Variants in SAMD11 observed in about 807,000 individuals in gnomAD.
SAMD11 encodes the protein sterile alpha motif domain containing 11, also known as sterile alpha motif domain-containing protein 11.
Under a neutral mutation model 64.4 loss-of-function variants are expected in SAMD11, and 77 were observed. That is an observed-to-expected ratio of 1.20 (90% CI 0.99 to 1.44). The LOEUF is 1.44. Ranked by LOEUF, SAMD11 falls within the 40% of genes most tolerant of loss-of-function variation. The pLI is 0.00. For synonymous variants in SAMD11, 658 were observed against 421.9 expected (o/e 1.56, Z -6.86); for missense variants, 1,402 against 943.3 (o/e 1.49, Z -6.37).
At position 941,208 on chromosome 1, in the gene SAMD11, C is replaced by A; in HGVS notation, c.1260C>A (p.Ala420=). ...TGAGGGGCCCCAGTGGCCTGGAAGCCCACCTGCCCTCCTCCACGGCAGGTC... is the reference window on the plus strand; with the variant it reads ...TGAGGGGCCCCAGTGGCCTGGAAGCACACCTGCCCTCCTCCACGGCAGGTC... ...AALRGPSGLE[A]HLPSSTAGQR... Residue 420 remains alanine (A), a synonymous_variant, in exon 8 of 14, where the codon GCC becomes GCA. Transcript: ENST00000616016. 2.5e-6 allele frequency: 4 copies of A among 1,601,802 alleles called. No individual in the cohort carries two copies. The highest frequency in any genetic ancestry group is 3.4e-6 in the Non-Finnish European group (4 of 1,174,954).
intron 8 of SAMD11, 33 bp downstream of exon 8, chr1:941,339 C>T (rs1363510946): frequency 1.3e-6 from 2 of 1,502,334 alleles, no homozygotes; most frequent in East Asian, 2.4e-5. Flanking sequence ...CTGCTTGTTT[C>T]TGGGGTGCCG....
At chr1:941,741 G>C (rs1056640698) in intron 8 of SAMD11, among the ~76,000 whole-genome samples, 1 of 152,056 alleles carries the variant, frequency 6.6e-6, no homozygotes. Context: ...GGGGCGCCTG[G>C]AGAAGGGAGG....
chr1:935,559 C>A (rs1037414579), intron 4 of SAMD11, among the ~76,000 whole-genome samples: 4 of 152,194 alleles, frequency 2.6e-5, no homozygotes, highest in African/African-American at 9.7e-5. Context: ...GTCCCAGGTC[C>A]CAGTGCCAGG....
rs141349380 is a variant in SAMD11 at position 943,354 on chromosome 1, T to G, written c.2155T>G (p.Ser719Ala). The change falls in exon 12 of 14, where the codon TCT becomes GCT. Residue 719 changes from serine to alanine, a missense_variant. Physicochemically the swap from Ser to Ala is moderately conservative, Grantham distance 99 (BLOSUM62 1). Coordinates refer to ENST00000616016, the MANE Select transcript of SAMD11 (RefSeq NM_001385641.1). Reference protein sequence around the residue: ...DDVCSFVGGLSGCGEYTRVFR... With the variant: ...DDVCSFVGGLAGCGEYTRVFR... ...CGTCTGCAGCTTCGTGGGGGGCCTG[T>G]CTGGCTGTGGAGAGTACACTCGGGT... 1.3e-6 allele frequency: 2 copies of G among 1,588,030 alleles called. No homozygotes were observed. The highest frequency in any genetic ancestry group is 2.7e-5 in the African/African-American group (2 of 74,088).
At chr1:938,980 G>A (rs1641603207) in intron 5 of SAMD11, 60 bp from the exon 6 acceptor site, 2 of 1,447,956 alleles carry the variant, frequency 1.4e-6, no homozygotes, top group South Asian at 1.2e-5. Context: ...AGCTGGAGCA[G>A]GGGCTGGGTT....
Position 942,554 on chromosome 1 carries a change from C to T in SAMD11, c.1554-5C>T. 2.8e-6 allele frequency: 4 copies of T among 1,404,046 alleles called. No individual in the cohort carries two copies. The highest frequency in any genetic ancestry group is 3.7e-6 in the Non-Finnish European group (4 of 1,088,706). 87.0% of individuals were successfully genotyped at this position (1,404,046 alleles called of 1,614,324 possible). On this transcript the variant is annotated splice_polypyrimidine_tract_variant and splice_region_variant and intron_variant, in intron 10 of 13. Transcript: ENST00000616016. The stretch of plus-strand genomic sequence containing the variant: ...GCGGCTGACCCGCGTCTGCCCCCGG[C>T]CCAGGCTGGAGCTGCCCGCCGACCT...
chr1:942,381 CG>C, intron 9 of SAMD11, 28 bp from the exon 10 acceptor site: 1 of 1,326,986 alleles, frequency 7.5e-7, no homozygotes, highest in Non-Finnish European at 1.0e-6. Flanking sequence ...TCGGACCCCC[CG>C]ACCCCGCGTT....
intron 2 of SAMD11, among the ~76,000 whole-genome samples, chr1:928,342 A>G (rs1056317597): frequency 2.0e-5 from 3 of 152,254 alleles, no homozygotes; most frequent in Non-Finnish European, 4.4e-5. Flanking sequence ...CAGTGAGCCC[A>G]GATTGTGCCA....
At chr1:925,881 G>C (rs144896029) in intron 1 of SAMD11, 41 bp from the exon 2 acceptor site, 3 of 1,462,988 alleles carry the variant, frequency 2.1e-6, no homozygotes. Flanking sequence ...GCGCAGAAGC[G>C]TGCCGCTCCC....
intron 4 of SAMD11, among the ~76,000 whole-genome samples, chr1:932,344 C>T (rs945428258): frequency 2.0e-5 from 3 of 152,302 alleles, no homozygotes; most frequent in South Asian, 4.1e-4. Flanking sequence ...CAGCGTCCCT[C>T]GGCAGCACTG....
At chr1:930,081 A>G in intron 2 of SAMD11, 74 bp from the exon 3 acceptor site, 1 of 1,475,034 alleles carries the variant, frequency 6.8e-7, no homozygotes, top group Non-Finnish European at 9.1e-7. Context: ...GGCCCGGTCC[A>G]GCCCCACCTT....
chr1:924,911 G>C lies in SAMD11; in HGVS notation c.480G>C (p.Glu160Asp), dbSNP rs1478556158. The C allele has an allele frequency of 2.0e-5, 3 of 152,266 alleles. No individual in the cohort carries two copies. Among genetic ancestry groups the C allele is most frequent in the South Asian group, 2.1e-4 (1 of 4,834 alleles). The allele number at this position is 152,266 out of a possible 1,614,324, so 9.4% of individuals were successfully genotyped here. The change falls in exon 1 of 14, where the codon GAG (glutamate) becomes GAC (aspartate). Residue 160 changes from glutamate to aspartate, a missense_variant. By Grantham distance (45) the Glu-to-Asp change is conservative (BLOSUM62 2). Transcript: ENST00000616016. ...PNEFQFVSGRETAKDWKRSIR... is the reference protein window; with the variant it reads ...PNEFQFVSGRDTAKDWKRSIR... ...AGTTCCAGTTCGTCAGCGGCCGCGA[G>C]ACGGCCAAGGACTGGAAGCGCAGCA... is the stretch of plus-strand genomic sequence containing the variant.
In SAMD11 at chr1:941,128, G is replaced by A. The variant is rs1197100437; in HGVS notation, c.1196-16G>A. The A allele has an allele frequency of 1.9e-6, 3 of 1,587,156 alleles. No individual in the cohort carries two copies. The highest frequency in any genetic ancestry group is 1.3e-5 in the African/African-American group (1 of 74,394). ...GCGCATAGCCGGGGGGATCACTGCT[G>A]TTGTCCCCCACCCAGATCTCCTGAG... On this transcript the variant is annotated splice_polypyrimidine_tract_variant and intron_variant, in intron 7 of 13. Transcript: ENST00000616016.
intron 7 of SAMD11, 177 bp from the exon 8 acceptor site, chr1:940,967 T>G (rs942287744): frequency 1.9e-5 from 10 of 539,900 alleles, no homozygotes; most frequent in East Asian, 3.4e-5. Context: ...GCATCTTGTC[T>G]GCCGTCTCGG....
chr1:941,461 G>A (rs540679160), intron 8 of SAMD11, among the ~76,000 whole-genome samples, 155 bp downstream of exon 8: 141 of 152,126 alleles, frequency 9.3e-4, no homozygotes, highest in African/African-American at 3.3e-3. Context: ...ACCGATCTGG[G>A]CTGCAGTGTT....
intron 2 of SAMD11, among the ~76,000 whole-genome samples, chr1:927,136 C>A (rs144866534): frequency 1.3e-4 from 20 of 152,322 alleles, no homozygotes; most frequent in African/African-American, 4.1e-4. Context: ...CGACATGGAC[C>A]TGCACGCACA....
chr1:943,019 C>G lies in SAMD11; in HGVS notation c.2014C>G (p.Leu672Val). ...GCTTTTCCCAGGGTCCACACTGCCC[C>G]TGGGCTTCCCTTATGCCGTCAGCCC... ...KGLFPGSTLP[L>V]GFPYAVSPYF... Residue 672 changes from leucine (L) to valine (V), a missense_variant, in exon 11 of 14, where the codon CTG becomes GTG. Coordinates refer to ENST00000616016, the MANE Select transcript of SAMD11 (RefSeq NM_001385641.1). 1.3e-6 allele frequency: 2 copies of G among 1,533,048 alleles called. No homozygotes were observed. The allele number at this position is 1,533,048 out of a possible 1,614,324, so 95.0% of individuals were successfully genotyped here. A position where few individuals can be genotyped will look rare whatever the true frequency, so the allele number is the denominator to read the frequency against.
At chr1:941,462 C>T (rs1259373214) in intron 8 of SAMD11, among the ~76,000 whole-genome samples, 156 bp downstream of exon 8, 1 of 151,962 alleles carries the variant, frequency 6.6e-6, no homozygotes, top group Non-Finnish European at 1.5e-5. Flanking sequence ...CCGATCTGGG[C>T]TGCAGTGTTG....
At position 931,034 on chromosome 1, in the gene SAMD11, T is replaced by G. The variant is rs774083364; in HGVS notation, c.792-5T>G. 15 of 1,612,268 alleles carry G rather than the reference T, an allele frequency of 9.3e-6. No homozygotes were observed. The highest frequency in any genetic ancestry group is 1.3e-5 in the Non-Finnish European group (15 of 1,179,246). ...AACATGGACCTTCTGCTTCCCTTCC[T>G]GCAGAGTCCACACCCACTGGGACGT... On this transcript the variant is annotated splice_polypyrimidine_tract_variant and splice_region_variant and intron_variant, in intron 3 of 13. Coordinates refer to ENST00000616016, the MANE Select transcript of SAMD11 (RefSeq NM_001385641.1).
Sources: allele counts gnomAD v4.1 joint callset (sites outside exome capture counted in the v4.1 genomes callset), GRCh38; gene constraint gnomAD v4.1.1; transcripts MANE v1.5; gene names NCBI Gene and HGNC (gene_info 2026-07-23, HGNC 2026-07-21).